LSAMP: variants seen among roughly 807,000 people sequenced by gnomAD.
LSAMP encodes limbic system associated membrane protein.
In LSAMP, 7 loss-of-function variants were observed where a neutral mutation model predicts 38.6. The ratio of observed to expected loss-of-function variants is 0.18; its 90% CI spans 0.10 to 0.34. The LOEUF (loss-of-function observed/expected upper bound fraction) is 0.34. Ranked by LOEUF, LSAMP falls within the 10% of genes least tolerant of loss-of-function variation. LSAMP has a pLI of 1.00. For missense variants in LSAMP, 313 were observed against 420.0 expected (o/e 0.75, Z 2.23); for synonymous variants, 154 against 166.8 (o/e 0.92, Z 0.59).
chr3:115,960,703 C>T (rs73149062), intron 3 of LSAMP, among the ~76,000 whole-genome samples: 3,601 of 152,178 alleles, frequency 0.024, 81 homozygotes, highest in Non-Finnish European at 0.033. Flanking sequence ...ATATTCACCA[C>T]CTACAAGAAG....
chr3:116,340,924 G>C (rs1041386016), intron 1 of LSAMP, among the ~76,000 whole-genome samples: 5 of 151,894 alleles, frequency 3.3e-5, no homozygotes, highest in African/African-American at 1.2e-4. Flanking sequence ...TTTCAACATA[G>C]GAGAAGAAAA....
At chr3:116,262,727 A>G (rs1195965623) in intron 1 of LSAMP, among the ~76,000 whole-genome samples, 1 of 152,220 alleles carries the variant, frequency 6.6e-6, no homozygotes, top group Non-Finnish European at 1.5e-5. Flanking sequence ...GCATATCTTG[A>G]TAGAGGAGCA....
intron 3 of LSAMP, among the ~76,000 whole-genome samples, chr3:115,973,974 G>T (rs531642617): frequency 6.6e-6 from 1 of 152,076 alleles, no homozygotes; most frequent in African/African-American, 2.4e-5. Context: ...ATAACAATGA[G>T]GTCTTGAATA....
chr3:116,444,848 G>C (rs2049487297), intron 1 of LSAMP, 29 bp downstream of exon 1: 1 of 1,613,282 alleles, frequency 6.2e-7, no homozygotes, highest in African/African-American at 1.3e-5. Context: ...GTAGACGCGC[G>C]CAGCAGAAAA....
At chr3:116,288,121 T>C (rs2047216648) in intron 1 of LSAMP, among the ~76,000 whole-genome samples, 1 of 152,186 alleles carries the variant, frequency 6.6e-6, no homozygotes, top group Non-Finnish European at 1.5e-5. Context: ...ATGATCCTGG[T>C]GTCTTCAGTG....
chr3:116,145,910 ATT>A (rs1231486781), intron 1 of LSAMP, among the ~76,000 whole-genome samples: 1 of 151,672 alleles, frequency 6.6e-6, no homozygotes, highest in Non-Finnish European at 1.5e-5. Context: ...AAGAAATTTT[ATT>A]TGTTAGTTTT....
intron 1 of LSAMP, among the ~76,000 whole-genome samples, chr3:116,171,760 A>G (rs1013368764): frequency 2.6e-5 from 4 of 152,072 alleles, no homozygotes; most frequent in Admixed American, 2.6e-4. Flanking sequence ...AAAGGAAACT[A>G]TAAGAGATTG....
intron 3 of LSAMP, among the ~76,000 whole-genome samples, chr3:115,967,329 G>A (rs1938850706): frequency 6.6e-6 from 1 of 152,156 alleles, no homozygotes; most frequent in African/African-American, 2.4e-5. Flanking sequence ...CAGTTCCCAA[G>A]AAGTTCCTTA....
intron 3 of LSAMP, among the ~76,000 whole-genome samples, chr3:115,999,181 C>T (rs1939913774): frequency 6.6e-6 from 1 of 152,144 alleles, no homozygotes; most frequent in Non-Finnish European, 1.5e-5. Context: ...GCAAAGAGGG[C>T]TGCTCAGCTG....
At chr3:116,075,612 G>T (rs1351524595) in intron 2 of LSAMP, among the ~76,000 whole-genome samples, 2 of 150,604 alleles carry the variant, frequency 1.3e-5, no homozygotes, top group Admixed American at 1.3e-4. Context: ...CACAATCTCG[G>T]CTCACTGCAA....
chr3:116,105,253 A>G (rs1708437943), intron 1 of LSAMP, among the ~76,000 whole-genome samples: 1 of 151,930 alleles, frequency 6.6e-6, no homozygotes, highest in South Asian at 2.1e-4. Flanking sequence ...CAATTCTTTG[A>G]GACTCTGTTC....
In LSAMP at chr3:115,951,708, G is replaced by A. The variant is rs1163248937; in HGVS notation, c.514+67807C>T. ...CCTACATTTTTCTCCTGTGCTGCATGCTTCCTGCCCTCAAACATTGGACTC... is the reference window on the plus strand; with the variant it reads ...CCTACATTTTTCTCCTGTGCTGCATACTTCCTGCCCTCAAACATTGGACTC... On this transcript the variant is annotated intron_variant, in intron 3 of 6. Coordinates refer to ENST00000490035, the MANE Select transcript of LSAMP (RefSeq NM_002338.5). 3.3e-5 allele frequency among the ~76,000 whole-genome samples: 5 copies of A among 152,258 alleles called. No individual in the cohort carries two copies. In the East Asian group the frequency reaches 9.6e-4, roughly 29 times the overall value.
rs186180252 is a variant in LSAMP, at chr3:115,954,073, G to A, written c.514+65442C>T. On this transcript the variant is annotated intron_variant, in intron 3 of 6. Coordinates refer to ENST00000490035, the MANE Select transcript of LSAMP (RefSeq NM_002338.5). ...TGATCTGAGAGTATCTTGTTTATTT[G>A]TTTTTTAACTGTTTATTTTCTGCCT... is the stretch of plus-strand genomic sequence containing the variant. 4.1e-3 allele frequency among the ~76,000 whole-genome samples: 620 copies of A among 152,182 alleles called. 3 individuals carry two copies. Among genetic ancestry groups the A allele is most frequent in the Non-Finnish European group, 6.7e-3 (453 of 67,990 alleles).
chr3:116,390,733 C>G (rs140497792), intron 1 of LSAMP, among the ~76,000 whole-genome samples: 2,343 of 131,658 alleles, frequency 0.018, 95 homozygotes, highest in African/African-American at 0.072. Flanking sequence ...GAGTGAGACT[C>G]CGCCTCAAAA....
At chr3:116,163,306 A>G (rs535154493) in intron 1 of LSAMP, among the ~76,000 whole-genome samples, 221 of 143,240 alleles carry the variant, frequency 1.5e-3, no homozygotes, top group African/African-American at 5.6e-3. Flanking sequence ...ATTCCCACCT[A>G]TGAGTGAGAA....
chr3:115,918,708 T>C (rs1459818230), intron 3 of LSAMP, among the ~76,000 whole-genome samples: 1 of 22,504 alleles, frequency 4.4e-5, no homozygotes, highest in Non-Finnish European at 1.2e-4. Flanking sequence ...AAAGAACAGG[T>C]TTTTTTTTTT....
intron 1 of LSAMP, among the ~76,000 whole-genome samples, chr3:116,140,348 A>G (rs1380905387): frequency 2.0e-5 from 3 of 152,086 alleles, no homozygotes; most frequent in Admixed American, 6.6e-5. Flanking sequence ...TTATGGGGCC[A>G]TATTTTAACA....
intron 1 of LSAMP, among the ~76,000 whole-genome samples, chr3:116,141,433 C>T (rs1322263301): frequency 6.6e-6 from 1 of 151,722 alleles, no homozygotes; most frequent in Non-Finnish European, 1.5e-5. Flanking sequence ...AAAAGTAGCA[C>T]ATTCTCAGAC....
At chr3:116,141,441 G>A (rs1709368373) in intron 1 of LSAMP, among the ~76,000 whole-genome samples, 1 of 151,846 alleles carries the variant, frequency 6.6e-6, no homozygotes, top group African/African-American at 2.4e-5. Flanking sequence ...CACATTCTCA[G>A]ACTTTTGTTT....
Sources: gnomAD v4.1 joint callset for allele counts (sites outside exome capture counted in the v4.1 genomes callset) on GRCh38, gnomAD v4.1.1 for gene constraint, MANE v1.5 for transcripts, NCBI Gene and HGNC (gene_info 2026-07-23, HGNC 2026-07-21) for gene names.